Variants in FBXO42 observed in about 807,000 individuals in gnomAD.
The protein encoded by FBXO42 is F-box protein 42.
FBXO42 carries 12 observed loss-of-function variants against 71.7 expected under a neutral mutation model. The observed-to-expected ratio is 0.17, with a 90% CI of 0.11 to 0.27. The LOEUF (loss-of-function observed/expected upper bound fraction) is 0.27. Among genes scored for constraint, FBXO42 ranks in the 10% least tolerant of loss-of-function variants. The probability of loss-of-function intolerance (pLI) is 1.00; values close to 1 mark genes in which losing one functional copy is unlikely to be tolerated. For synonymous variants in FBXO42, 325 were observed against 327.5 expected (o/e 0.99, Z 0.08); for missense variants, 707 against 911.9 (o/e 0.78, Z 2.89).
Position 16,250,534 on chromosome 1 carries a change from G to A in FBXO42, c.*136C>T. On this transcript the variant is annotated 3_prime_UTR_variant, in exon 10 of 10. Coordinates refer to ENST00000375592, the MANE Select transcript of FBXO42 (RefSeq NM_018994.3). This position sits in a 1 kb window ranked among gnomAD's most constrained non-coding sequence, Gnocchi z 4.7. ...CTTAATGGAGATTTGATCCCAGCCT[G>A]GAGTGACTTCGGTTGGGAATTAAAG... is the stretch of plus-strand genomic sequence containing the variant. 1 of 773,252 alleles carries A rather than the reference G, an allele frequency of 1.3e-6. No homozygotes were observed. The highest frequency in any genetic ancestry group is 2.0e-6 in the Non-Finnish European group (1 of 503,756). 47.9% of individuals were successfully genotyped at this position (773,252 alleles called of 1,614,324 possible).
At chr1:16,269,128 AGTCTCT>A (rs201801002) in intron 4 of FBXO42, among the ~76,000 whole-genome samples, 3,853 of 138,944 alleles carry the variant, frequency 0.028, 166 homozygotes, top group African/African-American at 0.097. Flanking sequence ...TTTGTGACAG[AGTCTCT>A]GTCTCTGTCA....
intron 4 of FBXO42, among the ~76,000 whole-genome samples, chr1:16,284,920 G>T (rs113472377): frequency 6.6e-6 from 1 of 151,904 alleles, no homozygotes; most frequent in Non-Finnish European, 1.5e-5. Flanking sequence ...GTGAGCCAGA[G>T]ATTGCACCAC....
At chr1:16,282,445 C>T (rs555244119) in intron 4 of FBXO42, among the ~76,000 whole-genome samples, 7 of 150,828 alleles carry the variant, frequency 4.6e-5, no homozygotes, top group Admixed American at 2.0e-4. Flanking sequence ...AGGGTGGTCT[C>T]GAACTCCTGA....
intron 4 of FBXO42, among the ~76,000 whole-genome samples, chr1:16,275,686 G>A (rs1283530142): frequency 6.6e-6 from 1 of 152,088 alleles, no homozygotes; most frequent in Admixed American, 6.6e-5. Context: ...CTCCTCAAGG[G>A]GGAATGAGAA....
At chr1:16,271,249 GTGTGTGTTGGT>G (rs1557577395) in intron 4 of FBXO42, among the ~76,000 whole-genome samples, 2 of 124,034 alleles carry the variant, frequency 1.6e-5, no homozygotes, top group Admixed American at 1.9e-4. Context: ...CTGTGTGCGT[GTGTGTGTTGGT>G]GTGTGTGTGT....
Position 16,246,966 on chromosome 1 carries a change from G to C in FBXO42, c.*3704C>G, listed in dbSNP as rs1176906199. 6.6e-6 allele frequency: 1 copy of C among 152,200 alleles called. No homozygotes were observed. The highest frequency in any genetic ancestry group is 1.9e-4 in the East Asian group (1 of 5,192). 9.4% of individuals were successfully genotyped at this position (152,200 alleles called of 1,614,324 possible). On this transcript the variant is annotated 3_prime_UTR_variant, in exon 10 of 10. Coordinates refer to ENST00000375592, the MANE Select transcript of FBXO42 (RefSeq NM_018994.3). Reference sequence around the variant, plus strand: ...ATGTTTCATTCCTACACTGTTATGTGCCCAAAATGACTATCTCAGGGTAAG... The same window carrying C: ...ATGTTTCATTCCTACACTGTTATGTCCCCAAAATGACTATCTCAGGGTAAG...
chr1:16,323,572 G>T (rs930943061), intron 1 of FBXO42, among the ~76,000 whole-genome samples: 2 of 150,522 alleles, frequency 1.3e-5, no homozygotes, highest in Non-Finnish European at 3.0e-5. Flanking sequence ...TGAGGTGCGC[G>T]GATCTTTTGA....
chr1:16,287,055 C>A (rs1245005227), intron 4 of FBXO42, among the ~76,000 whole-genome samples: 1 of 152,228 alleles, frequency 6.6e-6, no homozygotes, highest in African/African-American at 2.4e-5. Context: ...CCATTCTATT[C>A]AGTGAATATG....
intron 4 of FBXO42, among the ~76,000 whole-genome samples, chr1:16,269,107 CTTTT>C (rs111496206): frequency 3.0e-5 from 4 of 132,990 alleles, no homozygotes; most frequent in African/African-American, 1.1e-4. Context: ...CCGCACCTGG[CTTTT>C]TTTTTTTTTG....
chr1:16,248,042 A>C lies in FBXO42; in HGVS notation c.*2628T>G, dbSNP rs971049678. On this transcript the variant is annotated 3_prime_UTR_variant, in exon 10 of 10. Transcript: ENST00000375592. ...TTTGCTTCAGGTGCTCCTGAGGGTT[A>C]AAAAAAATTTAGTCTCATTTTTCTC... 1.3e-5 allele frequency: 2 copies of C among 152,072 alleles called. No individual in the cohort carries two copies. The highest frequency in any genetic ancestry group is 2.4e-5 in the African/African-American group (1 of 41,430). 9.4% of individuals were successfully genotyped at this position (152,072 alleles called of 1,614,324 possible). A position where few individuals can be genotyped will look rare whatever the true frequency, so the allele number is the denominator to read the frequency against.
chr1:16,314,811 G>C (rs533111248), intron 2 of FBXO42, among the ~76,000 whole-genome samples: 1 of 151,874 alleles, frequency 6.6e-6, no homozygotes, highest in South Asian at 2.1e-4. Flanking sequence ...ATGACCCCGG[G>C]AGGCAGAGCT....
rs533609095 is a variant in FBXO42, at chr1:16,264,044, C to G, written c.503-7285G>C. Among the ~76,000 whole-genome samples the G allele has an allele frequency of 1.3e-4, 20 of 152,190 alleles. 1 individual carries two copies. The highest frequency in any genetic ancestry group is 4.1e-4 in the African/African-American group (17 of 41,562). On this transcript the variant is annotated intron_variant, in intron 4 of 9. Transcript: ENST00000375592. ...CAGGCTGGTCTCGAACTCCTGGCCT[C>G]AGGTGATCCACCTGCCTCAGCCTCC...
intron 4 of FBXO42, among the ~76,000 whole-genome samples, chr1:16,263,520 G>A (rs1422632762): frequency 2.0e-5 from 3 of 151,692 alleles, no homozygotes; most frequent in Admixed American, 6.6e-5. Flanking sequence ...TCAGAAGTTC[G>A]AGACCAGCCT....
rs544253444 is a variant in FBXO42 at position 16,254,838 on chromosome 1, C to G, written c.767+873G>C. Among the ~76,000 whole-genome samples, 13 of 152,314 alleles carry G rather than the reference C, an allele frequency of 8.5e-5. No homozygotes were observed. In the South Asian group the frequency reaches 2.7e-3, roughly 32 times the overall value. ...CCAGTATGGCCAGAAGTGGACAGGA[C>G]AGGAGGTAGGGACAATGACCTCACA... is the stretch of plus-strand genomic sequence containing the variant. On this transcript the variant is annotated intron_variant, in intron 6 of 9. Transcript: ENST00000375592.
chr1:16,251,192 G>A lies in FBXO42; in HGVS notation c.1632C>T (p.Ala544=). Residue 544 remains alanine (A), a synonymous_variant, in exon 10 of 10, where the codon GCC becomes GCT. Transcript: ENST00000375592. This position sits in a 1 kb window ranked among gnomAD's most constrained non-coding sequence, Gnocchi z 4.5. ...TNGVHTPPHV[A]SALAGAVSPG... ...GGGAGACGGCCCCTGCAAGGGCACT[G>A]GCCACGTGAGGTGGGGTATGCACAC... 6.2e-7 allele frequency: 1 copy of A among 1,614,174 alleles called. No individual in the cohort carries two copies. Among genetic ancestry groups the A allele is most frequent in the Non-Finnish European group, 8.5e-7 (1 of 1,180,028 alleles).
chr1:16,280,731 G>A lies in FBXO42; in HGVS notation c.502+14052C>T, dbSNP rs150799797. Among the ~76,000 whole-genome samples the A allele has an allele frequency of 1.1e-3, 167 of 152,042 alleles. No individual in the cohort carries two copies. In the East Asian group the frequency reaches 0.031, roughly 28 times the overall value. On this transcript the variant is annotated intron_variant, in intron 4 of 9. Coordinates refer to ENST00000375592, the MANE Select transcript of FBXO42 (RefSeq NM_018994.3). ...TCAAGGCTGCAGTGAGCCAACATCC[G>A]CCACTGCACTCCAGCTTGGGAGAGA...
chr1:16,252,139 G>A lies in FBXO42; in HGVS notation c.1038+149C>T, dbSNP rs1444668103. The A allele has an allele frequency of 7.3e-6, 5 of 683,556 alleles. No homozygotes were observed. The highest frequency in any genetic ancestry group is 1.0e-5 in the Non-Finnish European group (4 of 393,526). The allele number at this position is 683,556 out of a possible 1,614,324, so 42.3% of individuals were successfully genotyped here. A position where few individuals can be genotyped will look rare whatever the true frequency, so the allele number is the denominator to read the frequency against. ...TAAGTTTTCCCATTTAGTGAGAAAT[G>A]CCAAAGGAGCTATGGCTAATGTTCA... On this transcript the variant is annotated intron_variant, in intron 9 of 9. Transcript: ENST00000375592. The surrounding 1 kb of genome is among the most constrained non-coding windows in gnomAD (Gnocchi z 4.4).
chr1:16,248,819 A>G lies in FBXO42; in HGVS notation c.*1851T>C, dbSNP rs1371787480. On this transcript the variant is annotated 3_prime_UTR_variant, in exon 10 of 10. Transcript: ENST00000375592. ...TAGACACATGTTGTTTCCTCATTGA[A>G]GGGAACACAAAGAGCAGTTTCTGGA... The G allele has an allele frequency of 1.3e-5, 2 of 152,290 alleles. No homozygotes were observed. Among genetic ancestry groups the G allele is most frequent in the Non-Finnish European group, 2.9e-5 (2 of 68,048 alleles). The allele number at this position is 152,290 out of a possible 1,614,324, so 9.4% of individuals were successfully genotyped here.
rs188916871 is a variant in FBXO42 at position 16,289,283 on chromosome 1, G to A, written c.502+5500C>T. Among the ~76,000 whole-genome samples the A allele has an allele frequency of 5.3e-5, 8 of 151,926 alleles. No individual in the cohort carries two copies. The East Asian group carries it at 1.6e-3, about 29-fold the overall frequency. ...TCCCGATGTGGGGGTGCAAACCTGT[G>A]GCTCCAGCTATGCAGGAGGCCGAGG... On this transcript the variant is annotated intron_variant, in intron 4 of 9. Transcript: ENST00000375592.
Sources: gnomAD v4.1 joint callset for allele counts (sites outside exome capture counted in the v4.1 genomes callset) on GRCh38, gnomAD v4.1.1 for gene constraint, Gnocchi (gnomAD v3.1) non-coding constraint, MANE v1.5 for transcripts, NCBI Gene and HGNC (gene_info 2026-07-23, HGNC 2026-07-21) for gene names.